The following CLYBL variants were observed in gnomAD, a reference collection of about 807,000 sequenced individuals.
CLYBL encodes the protein citramalyl-CoA lyase.
CLYBL carries 31 observed loss-of-function variants against 38.9 expected under a neutral mutation model. The ratio of observed to expected loss-of-function variants is 0.80; its 90% CI spans 0.60 to 1.08. The LOEUF (loss-of-function observed/expected upper bound fraction) is 1.08. Ranked by LOEUF, CLYBL falls within the 50% of genes least tolerant of loss-of-function variation. The probability of loss-of-function intolerance (pLI) is 0.00; values close to 1 mark genes in which losing one functional copy is unlikely to be tolerated. For missense variants in CLYBL, 434 were observed against 411.6 expected, an observed-to-expected ratio of 1.05 and a Z score of -0.47; for synonymous variants, 171 against 158.6, an observed-to-expected ratio of 1.08 and a Z score of -0.59.
intron 1 of CLYBL, among the ~76,000 whole-genome samples, chr13:99,760,007 T>C (rs537409418): frequency 6.6e-6 from 1 of 152,378 alleles, no homozygotes; most frequent in South Asian, 2.1e-4. Flanking sequence ...ATCTCCTTAC[T>C]AGTCAGACTC....
intron 1 of CLYBL, among the ~76,000 whole-genome samples, chr13:99,668,605 A>G (rs928512020): frequency 2.0e-5 from 3 of 151,984 alleles, no homozygotes; most frequent in Admixed American, 2.0e-4. Context: ...AAAAAGAAAA[A>G]AAGAATATTG....
intron 2 of CLYBL, among the ~76,000 whole-genome samples, chr13:99,827,611 A>G (rs1022432298): frequency 6.6e-6 from 1 of 152,092 alleles, no homozygotes; most frequent in African/African-American, 2.4e-5. Context: ...TCCACCCCCT[A>G]CCAACCACAC....
At chr13:99,748,786 A>T (rs554186817) in intron 1 of CLYBL, among the ~76,000 whole-genome samples, 2 of 152,104 alleles carry the variant, frequency 1.3e-5, no homozygotes, top group Non-Finnish European at 2.9e-5. Context: ...ACCTCATGGA[A>T]GTGAGAATCG....
intron 2 of CLYBL, among the ~76,000 whole-genome samples, chr13:99,797,319 T>G (rs902746681): frequency 6.6e-6 from 1 of 152,192 alleles, no homozygotes; most frequent in Non-Finnish European, 1.5e-5. Context: ...ATTTAAGATC[T>G]TATAGTATCT....
At chr13:99,737,386 T>C (rs910596643) in intron 1 of CLYBL, among the ~76,000 whole-genome samples, 4 of 152,230 alleles carry the variant, frequency 2.6e-5, no homozygotes, top group Non-Finnish European at 5.9e-5. Flanking sequence ...TATCTTTTCA[T>C]TGACTTCTCA....
intron 4 of CLYBL, among the ~76,000 whole-genome samples, chr13:99,864,070 C>G (rs1245672146): frequency 1.3e-5 from 2 of 152,196 alleles, no homozygotes; most frequent in Non-Finnish European, 2.9e-5. Flanking sequence ...AAAAGCATAT[C>G]CCTAAGATGC....
chr13:99,772,870 T>A lies in CLYBL; in HGVS notation c.109T>A (p.Ser37Thr). The change falls in exon 2 of 9, where the codon TCA becomes ACA. Residue 37 changes from serine to threonine, a missense_variant. Physicochemically the swap from Ser to Thr is moderately conservative, Grantham distance 58. Transcript: ENST00000339105. Reference sequence around the variant, plus strand: ...TATCCCCAGACTTGGATATAGTTCCTCATCCCATCACAAGTACATCCCCCG... The same window carrying A: ...TATCCCCAGACTTGGATATAGTTCCACATCCCATCACAAGTACATCCCCCG... ...ADIPRLGYSS[S>T]SHHKYIPRRA... is the part of the protein sequence containing the mutation. 1 of 1,612,644 alleles carries A rather than the reference T, an allele frequency of 6.2e-7. No individual in the cohort carries two copies. Among genetic ancestry groups the A allele is most frequent in the Non-Finnish European group, 8.5e-7 (1 of 1,179,748 alleles).
chr13:99,808,564 A>G (rs901248219), intron 2 of CLYBL, among the ~76,000 whole-genome samples: 2 of 152,240 alleles, frequency 1.3e-5, no homozygotes, highest in African/African-American at 4.8e-5. Flanking sequence ...GAGCTTTTGA[A>G]GGACAAGAAA....
At chr13:99,751,292 C>T (rs566603476) in intron 1 of CLYBL, among the ~76,000 whole-genome samples, 6 of 151,970 alleles carry the variant, frequency 3.9e-5, no homozygotes, top group Admixed American at 6.6e-5. Context: ...GTGATCCCGG[C>T]GCACTGCAAT....
Position 99,799,045 on chromosome 13 carries a change from G to A in CLYBL, c.249+26035G>A, listed in dbSNP as rs185867239. ...TATTACATGCTTTTCTCAAAAGTAA[G>A]AACAGCGAATTGGGAAAAGGAAACG... On this transcript the variant is annotated intron_variant, in intron 2 of 8. Coordinates refer to ENST00000339105, the MANE Select transcript of CLYBL (RefSeq NM_206808.5). Among the ~76,000 whole-genome samples, 693 of 152,306 alleles carry A rather than the reference G, an allele frequency of 4.6e-3. 5 individuals are homozygous for A. Among genetic ancestry groups the A allele is most frequent in the African/African-American group, 0.016 (665 of 41,562 alleles).
At chr13:99,613,355 T>C (rs2046658844) in intron 1 of CLYBL, among the ~76,000 whole-genome samples, 1 of 152,078 alleles carries the variant, frequency 6.6e-6, no homozygotes, top group East Asian at 1.9e-4. Context: ...ACAAGCTAAG[T>C]ACCTGAGATT....
rs575999245 is a variant in CLYBL at position 99,849,636 on chromosome 13, CAGA to C, written c.250-9224_250-9222del. Among the ~76,000 whole-genome samples the C allele has an allele frequency of 1.2e-4, 18 of 152,354 alleles. No individual in the cohort carries two copies. The East Asian group carries it at 3.3e-3, about 28-fold the overall frequency. ...TCCACATTGTCCTATGAGTTTGAGT[CAGA>C]GGTGCCTCAGAGGCCCATAAGGATG... On this transcript the variant is annotated intron_variant, in intron 2 of 8. Transcript: ENST00000339105. The surrounding 1 kb of genome is among the most constrained non-coding windows in gnomAD (Gnocchi z 4.9).
chr13:99,625,205 T>C (rs2046852122), intron 1 of CLYBL, among the ~76,000 whole-genome samples: 1 of 152,238 alleles, frequency 6.6e-6, no homozygotes, highest in African/African-American at 2.4e-5. Context: ...CCAGGCACCA[T>C]GTTTACTCAC....
At chr13:99,767,774 T>C (rs2049296809) in intron 1 of CLYBL, among the ~76,000 whole-genome samples, 2 of 152,242 alleles carry the variant, frequency 1.3e-5, no homozygotes, top group Admixed American at 6.5e-5. Flanking sequence ...ATTGTACTTT[T>C]CAGTTCTGGG....
intron 2 of CLYBL, among the ~76,000 whole-genome samples, chr13:99,783,199 C>A (rs926417567): frequency 1.3e-5 from 2 of 151,672 alleles, no homozygotes; most frequent in African/African-American, 4.8e-5. Context: ...TGCACCACCA[C>A]GCCCAGCTGA....
chr13:99,831,260 T>G (rs2050798051), intron 2 of CLYBL, among the ~76,000 whole-genome samples: 1 of 152,238 alleles, frequency 6.6e-6, no homozygotes, highest in Admixed American at 6.5e-5. Context: ...GCCAATTTTA[T>G]GGTCATTTGT....
intron 1 of CLYBL, among the ~76,000 whole-genome samples, chr13:99,689,452 G>A (rs980421729): frequency 6.6e-6 from 1 of 152,154 alleles, no homozygotes; most frequent in Non-Finnish European, 1.5e-5. Flanking sequence ...CTTAGTGCAG[G>A]TATGCTTAAA....
intron 1 of CLYBL, among the ~76,000 whole-genome samples, chr13:99,719,829 A>G (rs559054044): frequency 6.6e-6 from 1 of 152,122 alleles, no homozygotes; most frequent in Non-Finnish European, 1.5e-5. Flanking sequence ...TTTTATTTTA[A>G]TCACCTTTTT....
intron 7 of CLYBL, among the ~76,000 whole-genome samples, chr13:99,877,923 C>T (rs1171918533): frequency 6.6e-6 from 1 of 152,082 alleles, no homozygotes; most frequent in Non-Finnish European, 1.5e-5. Context: ...TACAAAGCAA[C>T]CATTTCTATA....
Sources: gnomAD v4.1 joint callset for allele counts (sites outside exome capture counted in the v4.1 genomes callset) on GRCh38, gnomAD v4.1.1 for gene constraint, Gnocchi (gnomAD v3.1) non-coding constraint, MANE v1.5 for transcripts, NCBI Gene and HGNC (gene_info 2026-07-23, HGNC 2026-07-21) for gene names.